The following ERBB2 variants were observed in gnomAD, a reference collection of about 807,000 sequenced individuals.
The protein encoded by ERBB2 is erb-b2 receptor tyrosine kinase 2.
A neutral mutation model predicts 149.0 loss-of-function variants in ERBB2; 61 were observed. That is an observed-to-expected ratio of 0.41 (90% CI 0.33 to 0.51). The LOEUF is 0.51. ERBB2 is among the 20% of genes least tolerant of loss of function. The pLI is 0.25. For synonymous variants in ERBB2, 633 were observed against 678.8 expected (o/e 0.93, Z 1.05); for missense variants, 1,205 against 1,655.1 (o/e 0.73, Z 4.72).
rs1468639025 is a variant in ERBB2 at position 39,725,153 on chromosome 17, G to C, written c.2598G>C (p.Leu866=). The change falls in exon 21 of 27, where the codon CTG becomes CTC. Residue 866 remains leucine, a synonymous_variant. Coordinates refer to ENST00000269571, the MANE Select transcript of ERBB2 (RefSeq NM_004448.4). The surrounding 1 kb of genome is among the most constrained non-coding windows in gnomAD (Gnocchi z 4.6). The part of the protein sequence containing the change: ...PNHVKITDFG[L]ARLLDIDETE... ...ATGTCAAAATTACAGACTTCGGGCT[G>C]GCTCGGCTGCTGGACATTGACGAGA... 1 of 1,614,060 alleles carries C rather than the reference G, an allele frequency of 6.2e-7. No homozygotes were observed. Among genetic ancestry groups the C allele is most frequent in the East Asian group, 2.2e-5 (1 of 44,886 alleles).
upstream of ERBB2, among the ~76,000 whole-genome samples, chr17:39,698,214 C>T (rs1040834209): frequency 6.6e-6 from 1 of 152,044 alleles, no homozygotes; most frequent in Non-Finnish European, 1.5e-5. Flanking sequence ...CAGAGATGCT[C>T]AGTCACTTGC....
intron 2 of ERBB2, 39 bp downstream of exon 2, chr17:39,707,180 G>C (rs2145413841): frequency 6.7e-7 from 1 of 1,493,662 alleles, no homozygotes; most frequent in South Asian, 1.3e-5. Flanking sequence ...CCTGCCTCCA[G>C]CTGGGCTGAG....
chr17:39,690,269 A>G (rs564635956), upstream of ERBB2, among the ~76,000 whole-genome samples: 3 of 152,178 alleles, frequency 2.0e-5, no homozygotes, highest in East Asian at 3.9e-4. Flanking sequence ...AATTTTTTGT[A>G]GAGACACGGT....
Position 39,728,617 on chromosome 17 carries a change from C to T in ERBB2, c.*573C>T, listed in dbSNP as rs987524957. ...GGAGGCAAGTGTGGGGGGTCCTTCT[C>T]CACACCCACTTTGTCCATTTGCAAA... On this transcript the variant is annotated 3_prime_UTR_variant, in exon 27 of 27. Coordinates refer to ENST00000269571, the MANE Select transcript of ERBB2 (RefSeq NM_004448.4). 8.6e-6 allele frequency: 2 copies of T among 233,282 alleles called. No individual in the cohort carries two copies. The highest frequency in any genetic ancestry group is 1.7e-5 in the Non-Finnish European group (2 of 118,122). 14.5% of individuals were successfully genotyped at this position (233,282 alleles called of 1,614,324 possible). A position where few individuals can be genotyped will look rare whatever the true frequency, so the allele number is the denominator to read the frequency against.
chr17:39,701,416 G>A (rs192649177), intron 1 of ERBB2, among the ~76,000 whole-genome samples: 33 of 152,202 alleles, frequency 2.2e-4, no homozygotes, highest in African/African-American at 7.2e-4. Flanking sequence ...CCATGCATTC[G>A]AAATCGCTAT....
At chr17:39,719,654 G>T in intron 15 of ERBB2, 133 bp from the exon 16 acceptor site, 1 of 871,778 alleles carries the variant, frequency 1.1e-6, no homozygotes. Context: ...TGACGGCCTT[G>T]AGCCCAGTTT....
In ERBB2 at chr17:39,716,394, G is replaced by A. The variant is rs140980495; in HGVS notation, c.1607G>A (p.Arg536Gln). 1.3e-4 allele frequency: 208 copies of A among 1,608,274 alleles called. No individual in the cohort carries two copies. Among genetic ancestry groups the A allele is most frequent in the Middle Eastern group, 3.3e-4 (2 of 5,988 alleles). ...TGTGTCAACTGCAGCCAGTTCCTTC[G>A]GGGCCAGGAGTGCGTGGAGGAATGC... ...TQCVNCSQFL[R>Q]GQECVEECRV... The change falls in exon 13 of 27, where the codon CGG becomes CAG. Residue 536 changes from arginine to glutamine, a missense_variant. By Grantham distance (43) the Arg-to-Gln change is conservative. This residue lies in a region of ERBB2 where 569 missense variants were observed against 803.5 expected (regional missense o/e 0.71). Coordinates refer to ENST00000269571, the MANE Select transcript of ERBB2 (RefSeq NM_004448.4).
At chr17:39,724,682 G>A in intron 19 of ERBB2, 44 bp from the exon 20 acceptor site, 1 of 1,568,252 alleles carries the variant, frequency 6.4e-7, no homozygotes, top group Non-Finnish European at 8.8e-7. Context: ...GGTGTTTGGG[G>A]GTGTGTGGTC....
chr17:39,715,886 G>C lies in ERBB2; in HGVS notation c.1460G>C (p.Arg487Pro), dbSNP rs371450390. The change falls in exon 12 of 27, where the codon CGG (arginine) becomes CCG (proline). Residue 487 changes from arginine to proline, a missense_variant. Coordinates refer to ENST00000269571, the MANE Select transcript of ERBB2 (RefSeq NM_004448.4). ...VHTVPWDQLF[R>P]NPHQALLHTA... ...ACGGTGCCCTGGGACCAGCTCTTTCGGAACCCGCACCAAGCTCTGCTCCAC... is the reference window on the plus strand; with the variant it reads ...ACGGTGCCCTGGGACCAGCTCTTTCCGAACCCGCACCAAGCTCTGCTCCAC... 6 of 1,612,330 alleles carry C rather than the reference G, an allele frequency of 3.7e-6. No individual in the cohort carries two copies. The highest frequency in any genetic ancestry group is 2.5e-6 in the Non-Finnish European group (3 of 1,180,018).
rs2143063499 is a variant in ERBB2 at position 39,725,738 on chromosome 17, G to C, written c.2757G>C (p.Gly919=). ...GVTVWELMTF[G]AKPYDGIPAR... Reference sequence around the variant, plus strand: ...CTGTGTGGGAGCTGATGACTTTTGGGGCCAAACCTTACGATGGGATCCCAG... The same window carrying C: ...CTGTGTGGGAGCTGATGACTTTTGGCGCCAAACCTTACGATGGGATCCCAG... The change falls in exon 23 of 27, where the codon GGG becomes GGC. Residue 919 remains glycine, a synonymous_variant. Transcript: ENST00000269571. The surrounding 1 kb of genome is among the most constrained non-coding windows in gnomAD (Gnocchi z 4.6). 1 of 1,613,656 alleles carries C rather than the reference G, an allele frequency of 6.2e-7. No individual in the cohort carries two copies. The highest frequency in any genetic ancestry group is 8.5e-7 in the Non-Finnish European group (1 of 1,179,828).
At position 39,711,861 on chromosome 17, in the gene ERBB2, G is replaced by A. The variant is rs1004257068; in HGVS notation, c.902-67G>A. ...TATTATTCTTCTTGTGCCTGGGCAC[G>A]GTAATGCTGCTCATGGTGGTGCACG... On this transcript the variant is annotated intron_variant, in intron 7 of 26. Coordinates refer to ENST00000269571, the MANE Select transcript of ERBB2 (RefSeq NM_004448.4). 3.7e-5 allele frequency: 59 copies of A among 1,601,216 alleles called. 1 individual carries two copies. The highest frequency in any genetic ancestry group is 4.6e-5 in the Non-Finnish European group (54 of 1,170,600).
In ERBB2 at chr17:39,715,354, T is replaced by C. The variant is rs1206146902; in HGVS notation, c.1217T>C (p.Ile406Thr). Reference sequence around the variant, plus strand: ...CAAGTGTTTGAGACTCTGGAAGAGATCACAGGTGGGCTCTGTCTCTGCATC... The same window carrying C: ...CAAGTGTTTGAGACTCTGGAAGAGACCACAGGTGGGCTCTGTCTCTGCATC... ...QLQVFETLEE[I>T]TGYLYISAWP... is the part of the protein sequence containing the mutation. The change falls in exon 10 of 27, where the codon ATC becomes ACC. Residue 406 changes from isoleucine to threonine, a missense_variant. By Grantham distance (89) the Ile-to-Thr change is moderately conservative. Around this residue, in one of 6 missense-constraint regions of ERBB2, gnomAD observed 569 missense variants for 803.5 expected, o/e 0.71. Coordinates refer to ENST00000269571, the MANE Select transcript of ERBB2 (RefSeq NM_004448.4). The C allele has an allele frequency of 6.2e-7, 1 of 1,613,908 alleles. No homozygotes were observed. Among genetic ancestry groups the C allele is most frequent in the African/African-American group, 1.3e-5 (1 of 74,912 alleles).
At position 39,726,163 on chromosome 17, in the gene ERBB2, A is replaced by G. The variant is rs4252652; in HGVS notation, c.2872+310A>G. 5.0e-4 allele frequency: 205 copies of G among 407,058 alleles called. No individual in the cohort carries two copies. In the Admixed American group the frequency reaches 5.0e-3, roughly 10 times the overall value. The allele number at this position is 407,058 out of a possible 1,614,324, so 25.2% of individuals were successfully genotyped here. ...AGCCTGGGCAACATAGTGAGATCCT[A>G]TCTCTACAAAAAATAAAAAAATTAT... On this transcript the variant is annotated intron_variant, in intron 23 of 26. Coordinates refer to ENST00000269571, the MANE Select transcript of ERBB2 (RefSeq NM_004448.4). The surrounding 1 kb of genome is among the most constrained non-coding windows in gnomAD (Gnocchi z 5.1).
upstream of ERBB2, among the ~76,000 whole-genome samples, chr17:39,691,955 A>ATATC (rs1393353384): frequency 6.9e-6 from 1 of 145,356 alleles, no homozygotes; most frequent in East Asian, 2.0e-4. Flanking sequence ...ATATATATAT[A>ATATC]TATCTCTTGT....
chr17:39,699,390 G>A, upstream of ERBB2: 1 of 565,424 alleles, frequency 1.8e-6, no homozygotes, highest in Non-Finnish European at 3.1e-6. Context: ...GAACCAGGGA[G>A]GCAGAGGTTG....
chr17:39,721,148 C>T (rs2059428168), intron 16 of ERBB2, among the ~76,000 whole-genome samples: 2 of 151,856 alleles, frequency 1.3e-5, no homozygotes, highest in African/African-American at 4.8e-5. Context: ...CAGGGTCTCA[C>T]TATGTTGCCC....
intron 15 of ERBB2, among the ~76,000 whole-genome samples, chr17:39,718,592 G>A (rs1266963081): frequency 6.6e-6 from 1 of 152,112 alleles, no homozygotes; most frequent in African/African-American, 2.4e-5. Context: ...GAGATCAGGA[G>A]TTCGAGACCA....
upstream of ERBB2, among the ~76,000 whole-genome samples, chr17:39,693,558 T>C (rs1431265303): frequency 1.3e-5 from 2 of 151,862 alleles, no homozygotes; most frequent in Admixed American, 1.3e-4. Context: ...CATGGCTCAC[T>C]GCAGCCAAAA....
At chr17:39,719,881 C>T (rs1236465955) in intron 16 of ERBB2, 47 bp downstream of exon 16, 7 of 1,583,638 alleles carry the variant, frequency 4.4e-6, no homozygotes, top group Non-Finnish European at 6.1e-6. Flanking sequence ...TTCACTCCCC[C>T]ACTGGATGCT....
Sources: allele counts gnomAD v4.1 joint callset (sites outside exome capture counted in the v4.1 genomes callset), GRCh38; gene constraint gnomAD v4.1.1; regional missense constraint gnomAD v4.1.1; non-coding constraint Gnocchi (gnomAD v3.1); transcripts MANE v1.5; gene names NCBI Gene and HGNC (gene_info 2026-07-23, HGNC 2026-07-21).